Variants in SPACDR observed in about 807,000 individuals in gnomAD.
The protein encoded by SPACDR is sperm acrosome developmental regulator, also known as uncharacterized protein C7orf61.
the SPACDR span, among the ~76,000 whole-genome samples, chr7:100,461,653 G>C: frequency 6.6e-6 from 1 of 151,788 alleles, no homozygotes; most frequent in African/African-American, 2.4e-5. Context: ...TTCAAGCCAA[G>C]CTAACACCTT....
At chr7:100,457,618 C>CTTT in the SPACDR span, among the ~76,000 whole-genome samples, 1,041 of 93,488 alleles carry the variant, frequency 0.011, 59 homozygotes, top group African/African-American at 0.039. Context: ...CATGCCTGGC[C>CTTT]TTTTTTTTTT....
chr7:100,458,937 CA>C, the SPACDR span, among the ~76,000 whole-genome samples: 30 of 149,898 alleles, frequency 2.0e-4, no homozygotes, highest in Non-Finnish European at 3.7e-4. Flanking sequence ...CAAAACAAAA[CA>C]AAAAATTTCC....
chr7:100,461,760 C>T, the SPACDR span, among the ~76,000 whole-genome samples: 5 of 151,798 alleles, frequency 3.3e-5, no homozygotes, highest in Admixed American at 1.3e-4. Context: ...GAGGCCGAGG[C>T]GGACAGATCA....
At chr7:100,460,384 G>A in the SPACDR span, among the ~76,000 whole-genome samples, 1 of 151,916 alleles carries the variant, frequency 6.6e-6, no homozygotes, top group African/African-American at 2.4e-5. Context: ...GAAGTCAAGA[G>A]TTCGAGACTA....
chr7:100,464,152 A>G, the SPACDR span: 1 of 1,528,520 alleles, frequency 6.5e-7, no homozygotes, highest in Non-Finnish European at 8.8e-7. Flanking sequence ...TGTGAGCTTC[A>G]AGCACAGCAG....
At chr7:100,461,790 C>T in the SPACDR span, among the ~76,000 whole-genome samples, 2 of 151,858 alleles carry the variant, frequency 1.3e-5, no homozygotes, top group Non-Finnish European at 2.9e-5. Flanking sequence ...GAGATCAAGA[C>T]CATCCTGGTT....
the SPACDR span, chr7:100,464,104 T>TTGGGGGG: frequency 2.6e-5 from 20 of 766,146 alleles, no homozygotes; most frequent in Non-Finnish European, 3.1e-5. Flanking sequence ...GGGGATGGGG[T>TTGGGGGG]GGGCTGTGGG....
the SPACDR span, among the ~76,000 whole-genome samples, chr7:100,460,178 T>C: frequency 6.8e-6 from 1 of 147,802 alleles, no homozygotes; most frequent in Non-Finnish European, 1.5e-5. Flanking sequence ...CGTGAGCCAC[T>C]GCGCCTGGCC....
chr7:100,460,050 C>T, the SPACDR span, among the ~76,000 whole-genome samples: 36 of 151,958 alleles, frequency 2.4e-4, no homozygotes, highest in Admixed American at 7.9e-4. Context: ...CCACCACGCC[C>T]GACTAATTTT....
chr7:100,463,722 G>A, the SPACDR span: 1 of 1,564,296 alleles, frequency 6.4e-7, no homozygotes, highest in South Asian at 1.1e-5. Context: ...AGACAGGAGA[G>A]AGGGGCAGGG....
the SPACDR span, chr7:100,463,929 G>A: frequency 6.9e-6 from 11 of 1,592,702 alleles, no homozygotes; most frequent in East Asian, 2.3e-5. Flanking sequence ...TCATCCCAGC[G>A]CATCATGAGG....
At chr7:100,459,990 C>T in the SPACDR span, among the ~76,000 whole-genome samples, 10 of 151,166 alleles carry the variant, frequency 6.6e-5, no homozygotes, top group South Asian at 6.3e-4. Flanking sequence ...CCCAGGTTCA[C>T]GCCATTCTCC....
chr7:100,461,451 T>C, the SPACDR span, among the ~76,000 whole-genome samples: 10 of 151,994 alleles, frequency 6.6e-5, no homozygotes, highest in Admixed American at 1.3e-4. Flanking sequence ...CTTATTTTTG[T>C]ATTTTTTGTA....
chr7:100,459,001 C>CTTTT, the SPACDR span, among the ~76,000 whole-genome samples: 3 of 135,278 alleles, frequency 2.2e-5, no homozygotes, highest in South Asian at 2.3e-4. Flanking sequence ...TCCTTTTTAC[C>CTTTT]TTTTTTTTTT....
At chr7:100,456,736 G>T in the SPACDR span, 2 of 1,564,216 alleles carry the variant, frequency 1.3e-6, no homozygotes, top group Non-Finnish European at 1.7e-6. Context: ...GACTCTCTAA[G>T]GGTCTGGGGT....
At chr7:100,457,695 A>T in the SPACDR span, among the ~76,000 whole-genome samples, 1 of 139,470 alleles carries the variant, frequency 7.2e-6, no homozygotes, top group African/African-American at 2.7e-5. Context: ...ATCTCAGCTC[A>T]CTGCAACCTC....
At chr7:100,456,710 G>A in the SPACDR span, 7 of 1,338,440 alleles carry the variant, frequency 5.2e-6, no homozygotes, top group Non-Finnish European at 6.1e-6. Flanking sequence ...GGGACCCCAG[G>A]TAAGAGTGAG....
the SPACDR span, chr7:100,464,205 A>G: frequency 1.4e-6 from 2 of 1,471,204 alleles, no homozygotes; most frequent in Non-Finnish European, 1.8e-6. Context: ...CCCTCCTGGC[A>G]ATGAATCCCA....
At chr7:100,460,016 A>C in the SPACDR span, among the ~76,000 whole-genome samples, 3 of 151,542 alleles carry the variant, frequency 2.0e-5, no homozygotes, top group Non-Finnish European at 4.4e-5. Flanking sequence ...CAGCCTCCCA[A>C]GTAGCTGGGA....
Sources: allele counts gnomAD v4.1 joint callset (sites outside exome capture counted in the v4.1 genomes callset), GRCh38; gene constraint gnomAD v4.1.1; transcripts MANE v1.5; gene names NCBI Gene and HGNC (gene_info 2026-07-23, HGNC 2026-07-21).